Variants in GABBR2 observed in about 807,000 individuals in gnomAD.
The protein encoded by GABBR2 is G-protein coupled receptor 51.
In GABBR2, 23 loss-of-function variants were observed where a neutral mutation model predicts 105.6. The observed-to-expected ratio is 0.22, with a 90% confidence interval of 0.16 to 0.31. GABBR2 has a LOEUF of 0.31. Among genes scored for constraint, GABBR2 ranks in the 10% least tolerant of loss-of-function variants. The pLI is 1.00. For synonymous variants in GABBR2, 478 were observed against 499.7 expected, an observed-to-expected ratio of 0.96 and a Z score of 0.58; for missense variants, 734 against 1,245.5, an observed-to-expected ratio of 0.59 and a Z score of 6.18.
chr9:98,422,924 C>T (rs1832810283), intron 7 of GABBR2, among the ~76,000 whole-genome samples: 2 of 152,046 alleles, frequency 1.3e-5, no homozygotes. Flanking sequence ...ATCCATGTCC[C>T]TACAAAGGAC....
chr9:98,528,376 G>A (rs1331482992), intron 3 of GABBR2, among the ~76,000 whole-genome samples: 1 of 151,946 alleles, frequency 6.6e-6, no homozygotes, highest in Non-Finnish European at 1.5e-5. Context: ...TATACTAGAA[G>A]AAAACATAGG....
intron 16 of GABBR2, among the ~76,000 whole-genome samples, chr9:98,301,045 C>T (rs554160469): frequency 6.6e-4 from 100 of 152,314 alleles, no homozygotes; most frequent in Admixed American, 9.8e-4. Context: ...CCCCTTCACC[C>T]GTCCTCGCTC....
chr9:98,330,096 A>G (rs1055690688), intron 13 of GABBR2, among the ~76,000 whole-genome samples: 13 of 152,308 alleles, frequency 8.5e-5, no homozygotes, highest in Admixed American at 2.6e-4. Context: ...CAGTGCCTCC[A>G]GGTTAAAGTC....
At chr9:98,640,146 A>ATATATATATATATATATATATAT (rs869267142) in intron 1 of GABBR2, among the ~76,000 whole-genome samples, 1 of 143,600 alleles carries the variant, frequency 7.0e-6, no homozygotes, top group Non-Finnish European at 1.6e-5. Context: ...ATATATATAT[A>ATATATATATATATATATATATAT]AACAATCTGA....
Position 98,595,429 on chromosome 9 carries a change from G to A in GABBR2, c.322-17357C>T, listed in dbSNP as rs77680548. Among the ~76,000 whole-genome samples the A allele has an allele frequency of 2.0e-5, 3 of 151,314 alleles. No homozygotes were observed. The South Asian group carries it at 6.3e-4, about 32-fold the overall frequency. On this transcript the variant is annotated intron_variant, in intron 1 of 18. Coordinates refer to ENST00000259455, the MANE Select transcript of GABBR2 (RefSeq NM_005458.8). ...GATGGGAGAGCATATGATGAAAGGG[G>A]CAGCAGAGAGTGTGGGGCCTAGAGC...
chr9:98,543,603 C>A (rs150340418), intron 2 of GABBR2, among the ~76,000 whole-genome samples: 4 of 152,272 alleles, frequency 2.6e-5, no homozygotes, highest in African/African-American at 9.6e-5. Flanking sequence ...GGGCTCAAGC[C>A]TCTGGCCTCA....
intron 1 of GABBR2, among the ~76,000 whole-genome samples, chr9:98,653,093 C>G (rs544128174): frequency 7.9e-5 from 12 of 152,318 alleles, no homozygotes; most frequent in African/African-American, 2.2e-4. Flanking sequence ...AACTCCTGGG[C>G]TCAAGCAATC....
chr9:98,555,536 ATTAGAAGCCTCT>A (rs2086418183), intron 2 of GABBR2: 2 of 152,248 alleles, frequency 1.3e-5, no homozygotes, highest in Admixed American at 1.3e-4. Flanking sequence ...AACAAATTAC[ATTAGAAGCCTCT>A]TTGGTTTCCT....
chr9:98,618,434 G>A (rs1340580401), intron 1 of GABBR2, among the ~76,000 whole-genome samples: 1 of 151,302 alleles, frequency 6.6e-6, no homozygotes, highest in Non-Finnish European at 1.5e-5. Context: ...ATCTTACCCT[G>A]CAGCAATGAC....
intron 1 of GABBR2, among the ~76,000 whole-genome samples, chr9:98,676,050 T>G (rs1302795013): frequency 6.6e-6 from 1 of 152,266 alleles, no homozygotes; most frequent in African/African-American, 2.4e-5. Flanking sequence ...CAAAAGGGAT[T>G]CTGCATATGT....
chr9:98,363,116 C>A (rs1011337377), intron 12 of GABBR2, among the ~76,000 whole-genome samples: 3 of 152,172 alleles, frequency 2.0e-5, no homozygotes, highest in Non-Finnish European at 4.4e-5. Context: ...TTTCACCCTC[C>A]AGGTCTCTGT....
chr9:98,452,698 G>A (rs2131601638), intron 7 of GABBR2, among the ~76,000 whole-genome samples: 1 of 152,266 alleles, frequency 6.6e-6, no homozygotes, highest in South Asian at 2.1e-4. Flanking sequence ...AGAAGTATTA[G>A]CCATATTATC....
chr9:98,304,194 G>A (rs1298356409), intron 15 of GABBR2: 1 of 152,542 alleles, frequency 6.6e-6, no homozygotes, highest in Non-Finnish European at 1.5e-5. Flanking sequence ...GCCTACCACA[G>A]TGCCATGGCC....
At chr9:98,449,579 C>A (rs1564073619) in intron 7 of GABBR2, among the ~76,000 whole-genome samples, 1 of 152,166 alleles carries the variant, frequency 6.6e-6, no homozygotes, top group South Asian at 2.1e-4. Context: ...GGCCAGGGAA[C>A]CTGCATTTTA....
rs187280471 is a variant in GABBR2, at chr9:98,416,684, A to T, written c.1237-10543T>A. Among the ~76,000 whole-genome samples, 1,137 of 152,354 alleles carry T rather than the reference A, an allele frequency of 7.5e-3. 5 individuals are homozygous for T. Among genetic ancestry groups the T allele is most frequent in the Non-Finnish European group, 0.013 (859 of 68,034 alleles). On this transcript the variant is annotated intron_variant, in intron 7 of 18. Transcript: ENST00000259455. ...TCAGACATCAGAATACTAGCTGTGCAGGGCTTCTCCTCTGAGCTCCTGGGT... is the reference window on the plus strand; with the variant it reads ...TCAGACATCAGAATACTAGCTGTGCTGGGCTTCTCCTCTGAGCTCCTGGGT...
chr9:98,538,725 AC>A, intron 3 of GABBR2: 1 of 252,866 alleles, frequency 4.0e-6, no homozygotes, highest in Non-Finnish European at 6.2e-6. Flanking sequence ...CTTCCAGTGC[AC>A]CAGTCCGGAA....
At chr9:98,423,951 TTCTATA>T (rs967625571) in intron 7 of GABBR2, among the ~76,000 whole-genome samples, 1 of 152,202 alleles carries the variant, frequency 6.6e-6, no homozygotes, top group Middle Eastern at 3.2e-3. Flanking sequence ...CTCCGTTCTG[TTCTATA>T]TCTATATCTA....
At chr9:98,428,981 T>G (rs115452576) in intron 7 of GABBR2, among the ~76,000 whole-genome samples, 1,827 of 152,332 alleles carry the variant, frequency 0.012, 32 homozygotes, top group African/African-American at 0.042. Flanking sequence ...TTGGTGATCC[T>G]TGAGGCAGCT....
At chr9:98,352,672 G>A (rs958917985) in intron 13 of GABBR2, among the ~76,000 whole-genome samples, 5 of 152,118 alleles carry the variant, frequency 3.3e-5, no homozygotes, top group Non-Finnish European at 7.4e-5. Flanking sequence ...TGCTGCTGGA[G>A]GGGGAGGGGT....
Sources: allele counts gnomAD v4.1 joint callset (sites outside exome capture counted in the v4.1 genomes callset), GRCh38; gene constraint gnomAD v4.1.1; transcripts MANE v1.5; gene names NCBI Gene and HGNC (gene_info 2026-07-23, HGNC 2026-07-21).